The following TTC23 variants were observed in gnomAD, a reference collection of about 807,000 sequenced individuals.
TTC23 encodes the protein tetratricopeptide repeat protein 23.
Under a neutral mutation model 55.1 loss-of-function variants are expected in TTC23, and 58 were observed. The observed-to-expected ratio is 1.05, with a 90% CI of 0.85 to 1.31. The LOEUF (loss-of-function observed/expected upper bound fraction) is 1.31, where lower values mean the gene tolerates loss of function less well. Ranked by LOEUF, TTC23 falls within the 50% of genes most tolerant of loss-of-function variation. The probability of loss-of-function intolerance (pLI) is 0.00; values close to 1 mark genes in which losing one functional copy is unlikely to be tolerated. For synonymous variants in TTC23, 203 were observed against 199.9 expected (o/e 1.02, Z -0.13); for missense variants, 516 against 534.4 (o/e 0.97, Z 0.34).
chr15:99,173,634 A>T, intron 10 of TTC23, among the ~76,000 whole-genome samples: 1 of 152,010 alleles, frequency 6.6e-6, no homozygotes, highest in Non-Finnish European at 1.5e-5. Context: ...CTCCAATAAA[A>T]CTCCAAATTT....
At chr15:99,196,235 G>C (rs1055961536) in intron 9 of TTC23, among the ~76,000 whole-genome samples, 2 of 151,680 alleles carry the variant, frequency 1.3e-5, no homozygotes, top group Non-Finnish European at 2.9e-5. Flanking sequence ...TAAAATGAGA[G>C]TAAAATAATG....
Position 99,217,209 on chromosome 15 carries a change from T to G in TTC23, c.581+1379A>C, listed in dbSNP as rs2077544521. On this transcript the variant is annotated intron_variant, in intron 8 of 13. Coordinates refer to ENST00000394132, the MANE Select transcript of TTC23 (RefSeq NM_001288615.3). ...TCTCACTCTGTCACCCAGGCTGGAG[T>G]GCAGTGGTGTGGTCTCTACTCACTG... 2.6e-5 allele frequency among the ~76,000 whole-genome samples: 4 copies of G among 151,662 alleles called. No individual in the cohort carries two copies. The South Asian group carries it at 8.3e-4, about 32-fold the overall frequency.
intron 9 of TTC23, among the ~76,000 whole-genome samples, chr15:99,182,828 T>TAA (rs35493362): frequency 3.3e-4 from 49 of 148,984 alleles, no homozygotes; most frequent in Admixed American, 4.7e-4. Context: ...AGTTATTACT[T>TAA]AAAAAAAAAA....
chr15:99,147,277 G>C (rs1452380489), intron 12 of TTC23, among the ~76,000 whole-genome samples: 19 of 138,582 alleles, frequency 1.4e-4, no homozygotes, highest in African/African-American at 3.9e-4. Flanking sequence ...CCAGGCTGGA[G>C]TGCAGCGGCG....
intron 12 of TTC23, chr15:99,155,223 T>C (rs2151877800): frequency 6.6e-6 from 1 of 152,270 alleles, no homozygotes; most frequent in South Asian, 2.1e-4. Flanking sequence ...ATCAAATGGT[T>C]AGAATTAAAC....
intron 8 of TTC23, among the ~76,000 whole-genome samples, chr15:99,205,925 G>A (rs1469226320): frequency 6.6e-6 from 1 of 152,132 alleles, no homozygotes; most frequent in East Asian, 1.9e-4. Flanking sequence ...TCACTGTTCT[G>A]TATGATACTA....
chr15:99,163,057 T>C (rs2071587742), intron 10 of TTC23, among the ~76,000 whole-genome samples: 1 of 151,796 alleles, frequency 6.6e-6, no homozygotes, highest in Non-Finnish European at 1.5e-5. Context: ...TATTCCAGCC[T>C]GGGTAACAGA....
At position 99,137,975 on chromosome 15, in the gene TTC23, C is replaced by T. The variant is rs1314070907; in HGVS notation, c.*35G>A. 3 of 1,613,412 alleles carry T rather than the reference C, an allele frequency of 1.9e-6. No individual in the cohort carries two copies. In the African/African-American group the frequency reaches 4.0e-5, roughly 22 times the overall value. ...TGTACAGCACCCTAAATGACAGTGC[C>T]CAGGAATGTCCTAGGCTTTTTCAGG... On this transcript the variant is annotated 3_prime_UTR_variant, in exon 14 of 14. Transcript: ENST00000394132.
intron 9 of TTC23, among the ~76,000 whole-genome samples, chr15:99,191,699 C>T (rs553548573): frequency 5.3e-5 from 8 of 152,288 alleles, no homozygotes; most frequent in Admixed American, 3.9e-4. Context: ...TCAGGTATGT[C>T]TTCATCAGCA....
chr15:99,193,114 G>C (rs577223839), intron 9 of TTC23, among the ~76,000 whole-genome samples: 1 of 152,260 alleles, frequency 6.6e-6, no homozygotes, highest in African/African-American at 2.4e-5. Context: ...CTTGCTTTTT[G>C]ACTTTACAGG....
In TTC23 at chr15:99,142,708, G is replaced by A. The variant is rs374906503; in HGVS notation, c.1144-3309C>T. Among the ~76,000 whole-genome samples the A allele has an allele frequency of 5.3e-5, 8 of 152,278 alleles. No homozygotes were observed. In the South Asian group the frequency reaches 8.3e-4, roughly 16 times the overall value. ...ACATACAGCATTGGTGAATATGCAC[G>A]AATCCCCGGGAAGAATGAGAAGGCA... On this transcript the variant is annotated intron_variant, in intron 12 of 13. Coordinates refer to ENST00000394132, the MANE Select transcript of TTC23 (RefSeq NM_001288615.3).
At chr15:99,185,296 A>C (rs1008632403) in intron 9 of TTC23, among the ~76,000 whole-genome samples, 1 of 152,190 alleles carries the variant, frequency 6.6e-6, no homozygotes. Context: ...GCAACTACTA[A>C]GAGCCAATAA....
intron 8 of TTC23, among the ~76,000 whole-genome samples, chr15:99,218,387 C>T (rs1332389364): frequency 6.6e-6 from 1 of 152,154 alleles, no homozygotes; most frequent in Non-Finnish European, 1.5e-5. Context: ...GGGCACTCCA[C>T]AGAGAGTGAA....
upstream of TTC23, among the ~76,000 whole-genome samples, chr15:99,250,412 C>T (rs1161550301): frequency 6.6e-6 from 1 of 152,180 alleles, no homozygotes; most frequent in Non-Finnish European, 1.5e-5. Context: ...AAGTCAGCAA[C>T]TGTAAAAACT....
upstream of TTC23, chr15:99,251,217 C>T (rs2080723861): frequency 6.6e-6 from 1 of 152,386 alleles, no homozygotes; most frequent in Non-Finnish European, 1.5e-5. Context: ...GAGCCGGAAG[C>T]AAGAGTAGAG....
At chr15:99,223,685 G>C (rs527505416) in intron 5 of TTC23, among the ~76,000 whole-genome samples, 2 of 152,338 alleles carry the variant, frequency 1.3e-5, no homozygotes, top group African/African-American at 4.8e-5. Context: ...GACCCACATA[G>C]AAAGGCCTGA....
intron 10 of TTC23, among the ~76,000 whole-genome samples, chr15:99,172,938 A>T (rs1472350942): frequency 6.6e-6 from 1 of 152,250 alleles, no homozygotes; most frequent in African/African-American, 2.4e-5. Context: ...CATGCAAAGC[A>T]GAGTGGCCTA....
chr15:99,238,815 C>A (rs1477580847), intron 3 of TTC23, among the ~76,000 whole-genome samples: 1 of 152,194 alleles, frequency 6.6e-6, no homozygotes, highest in East Asian at 1.9e-4. Flanking sequence ...GTAAACAGGT[C>A]TTCTCAAAAC....
chr15:99,170,887 T>G (rs1405721769), intron 10 of TTC23, among the ~76,000 whole-genome samples: 1 of 152,246 alleles, frequency 6.6e-6, no homozygotes. Context: ...CAACACGTGC[T>G]GGCCTGGGGA....
Sources: allele counts gnomAD v4.1 joint callset (sites outside exome capture counted in the v4.1 genomes callset), GRCh38; gene constraint gnomAD v4.1.1; transcripts MANE v1.5; gene names NCBI Gene and HGNC (gene_info 2026-07-23, HGNC 2026-07-21).